The following NACAD variants were observed in gnomAD, a reference collection of about 807,000 sequenced individuals.
NACAD encodes NAC-alpha domain-containing protein 1.
A neutral mutation model predicts 98.9 loss-of-function variants in NACAD; 47 were observed. That is an observed-to-expected ratio of 0.48 (90% CI 0.38 to 0.61). The LOEUF (loss-of-function observed/expected upper bound fraction) is 0.61. NACAD is among the 20% of genes least tolerant of loss of function. NACAD has a pLI of 0.00. For missense variants in NACAD, 1,412 were observed against 1,748.2 expected (o/e 0.81, Z 3.43); for synonymous variants, 696 against 767.2 (o/e 0.91, Z 1.53).
In NACAD at chr7:45,082,867, CG is replaced by C; in HGVS notation, c.3312del (p.Asp1105MetfsTer16). On this transcript the variant is annotated frameshift_variant, in exon 2 of 8. Coordinates refer to ENST00000490531, the MANE Select transcript of NACAD (RefSeq NM_001146334.2). LOFTEE classifies it high-confidence loss of function. The surrounding 1 kb of genome is among the most constrained non-coding windows in gnomAD (Gnocchi z 4.5). Reference sequence around the variant, plus strand: ...TCAGGGCAGGCAGCAGGAGGCGCATCGGGGACCTCCCTTGCACCTCCAAGTG... The same window carrying C: ...TCAGGGCAGGCAGCAGGAGGCGCATCGGGACCTCCCTTGCACCTCCAAGTG... ...RSALGGAREV[P>X]DAPPAACPEV... 6.5e-7 allele frequency: 1 copy of C among 1,550,146 alleles called. No individual in the cohort carries two copies. Among genetic ancestry groups the C allele is most frequent in the Non-Finnish European group, 8.7e-7 (1 of 1,146,770 alleles).
Position 45,085,805 on chromosome 7 carries a change from C to T in NACAD, c.375G>A (p.Thr125=), listed in dbSNP as rs927782302. The T allele has an allele frequency of 2.0e-5, 31 of 1,538,926 alleles. No individual in the cohort carries two copies. The highest frequency in any genetic ancestry group is 1.7e-4 in the Middle Eastern group (1 of 5,786). ...CTCTGGGTGACAGGAGGGCCTGGCA[C>T]GTCTCCTCTCCCATCACAATCCGGG... ...LEPRIVMGEE[T]CQALLSPRAA... is the part of the protein sequence containing the mutation. Residue 125 remains threonine (T), a synonymous_variant, in exon 2 of 8, where the codon ACG becomes ACA. Coordinates refer to ENST00000490531, the MANE Select transcript of NACAD (RefSeq NM_001146334.2). The surrounding 1 kb of genome is among the most constrained non-coding windows in gnomAD (Gnocchi z 6.1).
rs1584013105 is a variant in NACAD at position 45,085,469 on chromosome 7, G to A, written c.711C>T (p.Ser237=). The change falls in exon 2 of 8, where the codon AGC becomes AGT. Residue 237 remains serine, a synonymous_variant. Coordinates refer to ENST00000490531, the MANE Select transcript of NACAD (RefSeq NM_001146334.2). This position sits in a 1 kb window ranked among gnomAD's most constrained non-coding sequence, Gnocchi z 6.1. ...SWASSPSCSL[S]LLAPAEGLDF... The stretch of plus-strand genomic sequence containing the variant: ...CCAGCCCTTCAGCCGGAGCCAGCAG[G>A]CTGAGGGAACAGGAGGGTGAAGAGG... The A allele has an allele frequency of 1.9e-6, 3 of 1,550,448 alleles. No individual in the cohort carries two copies. The highest frequency in any genetic ancestry group is 4.9e-5 in the East Asian group (2 of 40,916).
rs994607874 is a variant in NACAD at position 45,084,917 on chromosome 7, C to T, written c.1263G>A (p.Gln421=). 6.4e-7 allele frequency: 1 copy of T among 1,551,220 alleles called. No individual in the cohort carries two copies. The change falls in exon 2 of 8, where the codon CAG becomes CAA. Residue 421 remains glutamine, a synonymous_variant. Transcript: ENST00000490531. ...CACCTCCGCTCTCCTCCTCTGTCTT[C>T]TGGACACTGTCCTGGAGCAAAGTGG... is the stretch of plus-strand genomic sequence containing the variant. ...AQATLLQDSV[Q]KTEEESGGGA... is the part of the protein sequence containing the mutation.
rs1176870453 is a variant in NACAD, at chr7:45,085,313, G to A, written c.867C>T (p.Gly289=). 1 of 1,551,116 alleles carries A rather than the reference G, an allele frequency of 6.4e-7. No homozygotes were observed. ...CCAGGTCGAAGAAGTGGCCCTCCTGGCCCCAGGAGGAGCTGCTGTCTGCAG... is the reference window on the plus strand; with the variant it reads ...CCAGGTCGAAGAAGTGGCCCTCCTGACCCCAGGAGGAGCTGCTGTCTGCAG... ...SLSADSSSSW[G]QEGHFFDLDF... Residue 289 remains glycine, a synonymous_variant, in exon 2 of 8, where the codon GGC becomes GGT. Coordinates refer to ENST00000490531, the MANE Select transcript of NACAD (RefSeq NM_001146334.2). This position sits in a 1 kb window ranked among gnomAD's most constrained non-coding sequence, Gnocchi z 6.1.
At position 45,086,108 on chromosome 7, in the gene NACAD, C is replaced by A; in HGVS notation, c.72G>T (p.Leu24=). ...TGGTGGCAGCGGCCGCATCGCAGGA[C>A]AGATCTGTGGAGATAGAGAAGATCA... ...EADRPGPRTD[L]SCDAAAATTI... is the part of the protein sequence containing the mutation. The change falls in exon 2 of 8, where the codon CTG becomes CTT. Residue 24 remains leucine, a synonymous_variant. Coordinates refer to ENST00000490531, the MANE Select transcript of NACAD (RefSeq NM_001146334.2). 6.5e-7 allele frequency: 1 copy of A among 1,535,728 alleles called. No homozygotes were observed. Among genetic ancestry groups the A allele is most frequent in the African/African-American group, 1.4e-5 (1 of 73,162 alleles).
Position 45,081,598 on chromosome 7 carries a change from C to T in NACAD, c.4257+3G>A, listed in dbSNP as rs748965257. The T allele has an allele frequency of 7.7e-6, 12 of 1,551,250 alleles. No individual in the cohort carries two copies. In the African/African-American group the frequency reaches 1.5e-4, roughly 19 times the overall value. On this transcript the variant is annotated splice_donor_region_variant and intron_variant, in intron 4 of 7. Coordinates refer to ENST00000490531, the MANE Select transcript of NACAD (RefSeq NM_001146334.2). ...GAGGTCCCAGAGGGAGCCACCAGCC[C>T]ACCTTTCGGGCCTTCTTCTCACTGC... is the stretch of plus-strand genomic sequence containing the variant.
At chr7:45,081,914 C>T (rs531908071) in intron 2 of NACAD, 47 bp from the exon 3 acceptor site, 28 of 1,518,720 alleles carry the variant, frequency 1.8e-5, no homozygotes, top group African/African-American at 6.9e-5. Context: ...TTCTAGGTGG[C>T]GGGGAAGGGG....
intron 1 of NACAD, among the ~76,000 whole-genome samples, chr7:45,086,590 C>T (rs1276697559): frequency 6.6e-6 from 1 of 152,220 alleles, no homozygotes; most frequent in Non-Finnish European, 1.5e-5. Flanking sequence ...GCGCGCAGCT[C>T]GAACACTCTG....
rs371481847 is a variant in NACAD at position 45,085,405 on chromosome 7, T to G, written c.775A>C (p.Met259Leu). 6.5e-7 allele frequency: 1 copy of G among 1,547,456 alleles called. No individual in the cohort carries two copies. The highest frequency in any genetic ancestry group is 1.4e-5 in the African/African-American group (1 of 72,936). ...GGGTGCAGCTCTCGTTCATCCACCA[T>G]GGACCCCTGCGGGGACAGGCCCCAG... ...SGWGLSPQGS[M>L]VDERELHPAG... Residue 259 changes from methionine (M) to leucine (L), a missense_variant, in exon 2 of 8, where the codon ATG (methionine) becomes CTG (leucine). By Grantham distance (15) the Met-to-Leu change is conservative. Coordinates refer to ENST00000490531, the MANE Select transcript of NACAD (RefSeq NM_001146334.2). The surrounding 1 kb of genome is among the most constrained non-coding windows in gnomAD (Gnocchi z 6.1).
At position 45,084,379 on chromosome 7, in the gene NACAD, C is replaced by A; in HGVS notation, c.1801G>T (p.Ala601Ser). The change falls in exon 2 of 8, where the codon GCT becomes TCT. Residue 601 changes from alanine (A) to serine (S), a missense_variant. Physicochemically the swap from Ala to Ser is moderately conservative, Grantham distance 99. Transcript: ENST00000490531. ...KEDLTLPQDS[A>S]MTPPLPLQDT... ...TGTAGGGGCAGAGGCGGTGTCATAG[C>A]GGAGTCCTGGGGTAAGGTGAGGTCC... 1.3e-6 allele frequency: 2 copies of A among 1,524,060 alleles called. No individual in the cohort carries two copies. The highest frequency in any genetic ancestry group is 2.8e-5 in the African/African-American group (2 of 71,842). The allele number at this position is 1,524,060 out of a possible 1,614,324, so 94.4% of individuals were successfully genotyped here.
Position 45,085,294 on chromosome 7 carries a change from C to A in NACAD, c.886G>T (p.Asp296Tyr). The A allele has an allele frequency of 2.6e-6, 4 of 1,551,174 alleles. No individual in the cohort carries two copies. The highest frequency in any genetic ancestry group is 3.5e-6 in the Non-Finnish European group (4 of 1,146,924). The change falls in exon 2 of 8, where the codon GAC becomes TAC. Residue 296 changes from aspartate (D) to tyrosine (Y), a missense_variant. Physicochemically the swap from Asp to Tyr is radical, Grantham distance 160 (BLOSUM62 -3). This residue lies in a region of NACAD where 638 missense variants were observed against 722.7 expected (regional missense o/e 0.88). Transcript: ENST00000490531. This position sits in a 1 kb window ranked among gnomAD's most constrained non-coding sequence, Gnocchi z 6.1. ...SSWGQEGHFF[D>Y]LDFLANDPMI... ...GGGTCATTGGCCAGGAAGTCCAGGT[C>A]GAAGAAGTGGCCCTCCTGGCCCCAG...
chr7:45,082,306 C>G lies in NACAD; in HGVS notation c.3874G>C (p.Gly1292Arg), dbSNP rs1266123605. ...GAGAGGCTGACTCGCGGCCCAGTCC[C>G]CAGAGGCTGTGTGGTTCCTGAGACA... Reference protein sequence around the residue: ...AAVSGTTQPLGTGPRVSLSPH... With the variant: ...AAVSGTTQPLRTGPRVSLSPH... The change falls in exon 2 of 8, where the codon GGG becomes CGG. Residue 1292 changes from glycine to arginine, a missense_variant. By Grantham distance (125) the Gly-to-Arg change is moderately radical. This residue lies in a region of NACAD where 572 missense variants were observed against 639.6 expected (regional missense o/e 0.89). Transcript: ENST00000490531. The surrounding 1 kb of genome is among the most constrained non-coding windows in gnomAD (Gnocchi z 4.5). 2 of 1,550,484 alleles carry G rather than the reference C, an allele frequency of 1.3e-6. No homozygotes were observed. Among genetic ancestry groups the G allele is most frequent in the Admixed American group, 2.0e-5 (1 of 50,982 alleles).
chr7:45,081,881 G>A lies in NACAD; in HGVS notation c.4073-14C>T, dbSNP rs1278624993. 6.5e-7 allele frequency: 1 copy of A among 1,541,350 alleles called. No individual in the cohort carries two copies. Among genetic ancestry groups the A allele is most frequent in the African/African-American group, 1.4e-5 (1 of 72,972 alleles). On this transcript the variant is annotated splice_polypyrimidine_tract_variant and intron_variant, in intron 2 of 7. Transcript: ENST00000490531. ...CCCGAGGCGAGTCTGGGGAAGGGGAGAGGTGTGAGGATGGCCTTTTGCTTC... is the reference window on the plus strand; with the variant it reads ...CCCGAGGCGAGTCTGGGGAAGGGGAAAGGTGTGAGGATGGCCTTTTGCTTC...
In NACAD at chr7:45,080,789, C is replaced by A. The variant is rs1443466868; in HGVS notation, c.4552-27G>T. On this transcript the variant is annotated intron_variant, in intron 6 of 7. Transcript: ENST00000490531. ...TGGAGTTGGGGGAGCAGGGAAGTGG[C>A]TGGAGCTGCTTGAGGTCCCTGGGGC... 19 of 1,550,162 alleles carry A rather than the reference C, an allele frequency of 1.2e-5. No individual in the cohort carries two copies. The South Asian group carries it at 2.0e-4, about 16-fold the overall frequency.
chr7:45,081,138 A>G lies in NACAD; in HGVS notation c.4383T>C (p.Tyr1461=). ...DVFKSPASDT[Y]VVFGEAKIED... is the part of the protein sequence containing the mutation. The stretch of plus-strand genomic sequence containing the variant: ...AGACCTTGGCCTCGCCAAAGACCAC[A>G]TAAGTGTCTGAGGCTGGGCTCTTGA... Residue 1461 remains tyrosine (Y), a synonymous_variant, in exon 5 of 8, where the codon TAT becomes TAC. Transcript: ENST00000490531. 2.6e-6 allele frequency: 4 copies of G among 1,551,432 alleles called. No individual in the cohort carries two copies. Among genetic ancestry groups the G allele is most frequent in the Non-Finnish European group, 1.7e-6 (2 of 1,146,982 alleles).
Position 45,084,504 on chromosome 7 carries a change from G to A in NACAD, c.1676C>T (p.Pro559Leu). Residue 559 changes from proline to leucine, a missense_variant, in exon 2 of 8, where the codon CCA (proline) becomes CTA (leucine). Physicochemically the swap from Pro to Leu is moderately conservative, Grantham distance 98. Transcript: ENST00000490531. ...TTCCTTCAAGTTCTGAGGAGAGTCT[G>A]GACACAATGTGAGGCTTGTTTCTTC... ...PQEETSLTLC[P>L]DSPQNLKEEG... 1 of 1,552,298 alleles carries A rather than the reference G, an allele frequency of 6.4e-7. No homozygotes were observed. The highest frequency in any genetic ancestry group is 8.7e-7 in the Non-Finnish European group (1 of 1,147,118).
chr7:45,084,507 C>T lies in NACAD; in HGVS notation c.1673G>A (p.Cys558Tyr). 7 of 1,552,310 alleles carry T rather than the reference C, an allele frequency of 4.5e-6. No individual in the cohort carries two copies. Among genetic ancestry groups the T allele is most frequent in the Non-Finnish European group, 6.1e-6 (7 of 1,147,120 alleles). ...TPQEETSLTL[C>Y]PDSPQNLKEE... ...CTTCAAGTTCTGAGGAGAGTCTGGA[C>T]ACAATGTGAGGCTTGTTTCTTCCTG... The change falls in exon 2 of 8, where the codon TGT becomes TAT. Residue 558 changes from cysteine to tyrosine, a missense_variant. By Grantham distance (194) the Cys-to-Tyr change is radical (BLOSUM62 -2). Around this residue, in one of 5 missense-constraint regions of NACAD, gnomAD observed 638 missense variants for 722.7 expected, o/e 0.88. Transcript: ENST00000490531.
intron 2 of NACAD, 67 bp from the exon 3 acceptor site, chr7:45,081,934 C>T: frequency 1.3e-6 from 2 of 1,482,316 alleles, no homozygotes; most frequent in Non-Finnish European, 1.8e-6. Context: ...GGTTCAGGAC[C>T]CTGGCCCTGC....
chr7:45,085,569 AG>A lies in NACAD; in HGVS notation c.610del (p.Leu204CysfsTer102). The A allele has an allele frequency of 2.6e-6, 4 of 1,550,142 alleles. No homozygotes were observed. The highest frequency in any genetic ancestry group is 3.5e-6 in the Non-Finnish European group (4 of 1,146,820). On this transcript the variant is annotated frameshift_variant, in exon 2 of 8. Coordinates refer to ENST00000490531, the MANE Select transcript of NACAD (RefSeq NM_001146334.2). LOFTEE classifies it high-confidence loss of function. The surrounding 1 kb of genome is among the most constrained non-coding windows in gnomAD (Gnocchi z 6.1). ...HGDARDSEAE[L>X]RDELLDSPPA... ...GGGCGAGTCCAGCAGCTCATCCCGC[AG>A]CTCAGCCTCTGAGTCCCTGGCGTCC... is the stretch of plus-strand genomic sequence containing the variant.
Sources: allele counts gnomAD v4.1 joint callset (sites outside exome capture counted in the v4.1 genomes callset), GRCh38; gene constraint gnomAD v4.1.1; regional missense constraint gnomAD v4.1.1; non-coding constraint Gnocchi (gnomAD v3.1); transcripts MANE v1.5; gene names NCBI Gene and HGNC (gene_info 2026-07-23, HGNC 2026-07-21).